NASP: variants seen among roughly 807,000 people sequenced by gnomAD.
The protein encoded by NASP is nuclear autoantigenic sperm protein, also known as NASP histone chaperone.
NASP carries 24 observed loss-of-function variants against 89.5 expected under a neutral mutation model. The observed-to-expected ratio is 0.27, with a 90% confidence interval of 0.19 to 0.38. The LOEUF (loss-of-function observed/expected upper bound fraction) is 0.38. Ranked by LOEUF, NASP falls within the 10% of genes least tolerant of loss-of-function variation. The probability of loss-of-function intolerance (pLI) is 1.00; values close to 1 mark genes in which losing one functional copy is unlikely to be tolerated. For missense variants in NASP, 848 were observed against 921.4 expected, an observed-to-expected ratio of 0.92 and a Z score of 1.03; for synonymous variants, 306 against 324.7, an observed-to-expected ratio of 0.94 and a Z score of 0.62.
At chr1:45,585,237 A>AT (rs1051965149) in intron 1 of NASP, among the ~76,000 whole-genome samples, 1 of 152,022 alleles carries the variant, frequency 6.6e-6, no homozygotes, top group Admixed American at 6.5e-5. Context: ...ATCTTGCCAT[A>AT]TTTTTTTAGG....
chr1:45,591,152 A>G, intron 1 of NASP, 71 bp from the exon 2 acceptor site: 1 of 926,392 alleles, frequency 1.1e-6, no homozygotes, highest in Non-Finnish European at 1.6e-6. Context: ...ATTTTTCTGA[A>G]TTTATTTTAT....
At position 45,616,665 on chromosome 1, in the gene NASP, A is replaced by C; in HGVS notation, c.2119A>C (p.Asn707His). The C allele has an allele frequency of 6.2e-7, 1 of 1,614,148 alleles. No individual in the cohort carries two copies. Among genetic ancestry groups the C allele is most frequent in the Non-Finnish European group, 8.5e-7 (1 of 1,179,970 alleles). The change falls in exon 13 of 15, where the codon AAT becomes CAT. Residue 707 changes from asparagine (N) to histidine (H), a missense_variant. Transcript: ENST00000350030. ...RKPTDGASSSNCVTDISHLVR... is the reference protein window; with the variant it reads ...RKPTDGASSSHCVTDISHLVR... ...GCCAACAGACGGTGCTTCCTCATCA[A>C]ATTGTGTGACTGATATTTCCCACCT...
At chr1:45,586,298 T>TGTGTGTGTGGG in intron 1 of NASP, among the ~76,000 whole-genome samples, 1 of 96,674 alleles carries the variant, frequency 1.0e-5, no homozygotes, top group South Asian at 3.2e-4. Context: ...TGTGTGTGTG[T>TGTGTGTGTGGG]GTGTGTGTGT....
chr1:45,604,851 A>AAT (rs1260907543), intron 3 of NASP, 85 bp from the exon 4 acceptor site: 3 of 1,044,936 alleles, frequency 2.9e-6, no homozygotes, highest in Non-Finnish European at 4.3e-6. Context: ...TTACTGGAGA[A>AAT]ATATCAATTT....
chr1:45,617,362 T>C, intron 13 of NASP, 101 bp from the exon 14 acceptor site: 1 of 1,345,876 alleles, frequency 7.4e-7, no homozygotes. Context: ...TGAATCCTGA[T>C]GTTCAGGATC....
chr1:45,584,231 G>A lies in NASP; in HGVS notation c.59+26G>A, dbSNP rs757268221. 3.2e-6 allele frequency: 5 copies of A among 1,564,182 alleles called. No homozygotes were observed. In the South Asian group the frequency reaches 4.7e-5, roughly 15 times the overall value. On this transcript the variant is annotated intron_variant, in intron 1 of 14. Coordinates refer to ENST00000350030, the MANE Select transcript of NASP (RefSeq NM_002482.4). ...GTAAGCGGGACTGTGGAAAGCTTAA[G>A]GCACTGGCCAGTCCGCGGGGAGGGC...
intron 1 of NASP, 62 bp downstream of exon 1, chr1:45,584,267 G>C: frequency 6.8e-7 from 1 of 1,476,456 alleles, no homozygotes; most frequent in Non-Finnish European, 9.2e-7. Context: ...TAATGGACGG[G>C]GGCTCCGGAG....
chr1:45,601,747 T>TTTG, intron 2 of NASP, among the ~76,000 whole-genome samples: 1 of 105,334 alleles, frequency 9.5e-6, no homozygotes, highest in Admixed American at 9.7e-5. Context: ...TTAAGAGAAT[T>TTTG]TTTTTTTTTT....
At position 45,618,726 on chromosome 1, in the gene NASP, T is replaced by A. The variant is rs772771532; in HGVS notation, c.*585T>A. On this transcript the variant is annotated 3_prime_UTR_variant, in exon 15 of 15. Coordinates refer to ENST00000350030, the MANE Select transcript of NASP (RefSeq NM_002482.4). ...CTGCATTTGAGCTCTGGTTTGAAAGTAGCCAAGGGGACTGATGGTGGACAC... is the reference window on the plus strand; with the variant it reads ...CTGCATTTGAGCTCTGGTTTGAAAGAAGCCAAGGGGACTGATGGTGGACAC... 2.0e-5 allele frequency: 3 copies of A among 153,234 alleles called. No individual in the cohort carries two copies. In the Middle Eastern group the frequency reaches 0.01, roughly 525 times the overall value. 9.5% of individuals were successfully genotyped at this position (153,234 alleles called of 1,614,324 possible).
intron 14 of NASP, among the ~76,000 whole-genome samples, 166 bp downstream of exon 14, chr1:45,617,757 G>C (rs1369224632): frequency 1.3e-5 from 2 of 152,210 alleles, no homozygotes; most frequent in African/African-American, 2.4e-5. Context: ...TTGGTTATGG[G>C]AGTATAGGAT....
At chr1:45,600,335 C>T in intron 2 of NASP, 1 of 1,221,736 alleles carries the variant, frequency 8.2e-7, no homozygotes, top group Non-Finnish European at 1.1e-6. Flanking sequence ...GTATTTTCAT[C>T]ACCTCAAAGT....
At chr1:45,589,468 G>A (rs967776589) in intron 1 of NASP, among the ~76,000 whole-genome samples, 5 of 152,134 alleles carry the variant, frequency 3.3e-5, no homozygotes, top group Non-Finnish European at 7.3e-5. Flanking sequence ...AAATTACCAA[G>A]TAATTTCCCT....
chr1:45,600,239 G>A, intron 2 of NASP: 2 of 339,268 alleles, frequency 5.9e-6, no homozygotes, highest in Non-Finnish European at 9.1e-6. Context: ...GTGACATACA[G>A]GAAACTGCAC....
chr1:45,611,234 T>G (rs976645038), intron 6 of NASP: 2 of 152,214 alleles, frequency 1.3e-5, no homozygotes, highest in African/African-American at 4.8e-5. Flanking sequence ...TATTGTTATC[T>G]TCTATTCTTA....
intron 2 of NASP, among the ~76,000 whole-genome samples, chr1:45,595,575 G>A (rs1643676201): frequency 6.6e-6 from 1 of 152,118 alleles, no homozygotes; most frequent in Non-Finnish European, 1.5e-5. Context: ...CTCTTTCAGG[G>A]ATAATGTAAG....
intron 1 of NASP, among the ~76,000 whole-genome samples, chr1:45,584,920 G>A (rs1644508461): frequency 6.6e-6 from 1 of 152,226 alleles, no homozygotes; most frequent in Non-Finnish European, 1.5e-5. Context: ...GTGAGCCCCT[G>A]CCTGTGGTGG....
Position 45,615,205 on chromosome 1 carries a change from A to G in NASP, c.1855+4A>G, listed in dbSNP as rs376488351. 6.2e-7 allele frequency: 1 copy of G among 1,613,478 alleles called. No individual in the cohort carries two copies. Among genetic ancestry groups the G allele is most frequent in the African/African-American group, 1.3e-5 (1 of 74,932 alleles). On this transcript the variant is annotated splice_donor_region_variant and intron_variant, in intron 10 of 14. Coordinates refer to ENST00000350030, the MANE Select transcript of NASP (RefSeq NM_002482.4). ...GAAGTCATTGAGAACAGAATGGGTG[A>G]GTGAAGACGAGCTGCTTCATGGTGA... is the stretch of plus-strand genomic sequence containing the variant.
chr1:45,614,695 C>T (rs905776287), intron 9 of NASP, among the ~76,000 whole-genome samples: 1 of 152,136 alleles, frequency 6.6e-6, no homozygotes, highest in African/African-American at 2.4e-5. Context: ...CCCACCACCA[C>T]GCCCGGTTAA....
At chr1:45,598,013 A>C (rs1288993180) in intron 2 of NASP, among the ~76,000 whole-genome samples, 4 of 152,108 alleles carry the variant, frequency 2.6e-5, no homozygotes, top group African/African-American at 9.7e-5. Context: ...TTTTGTTCTT[A>C]ATTGAAGCTG....
Sources: allele counts gnomAD v4.1 joint callset (sites outside exome capture counted in the v4.1 genomes callset), GRCh38; gene constraint gnomAD v4.1.1; transcripts MANE v1.5; gene names NCBI Gene and HGNC (gene_info 2026-07-23, HGNC 2026-07-21).